FANCM: variants seen among roughly 807,000 people sequenced by gnomAD.
FANCM encodes the protein FA complementation group M, also known as Fanconi anemia group M protein.
FANCM carries 140 observed loss-of-function variants against 199.5 expected under a neutral mutation model. The observed-to-expected ratio is 0.70, with a 90% CI of 0.61 to 0.81. FANCM has a LOEUF of 0.81. FANCM is among the 30% of genes least tolerant of loss of function. FANCM has a pLI of 0.00. For synonymous variants in FANCM, 840 were observed against 836.8 expected (o/e 1.00, Z -0.07); for missense variants, 2,410 against 2,421.4 (o/e 1.00, Z 0.10).
intron 14 of FANCM, among the ~76,000 whole-genome samples, chr14:45,178,355 A>G (rs1888846834): frequency 6.6e-6 from 1 of 152,184 alleles, no homozygotes; most frequent in African/African-American, 2.4e-5. Flanking sequence ...TTAATGAGTG[A>G]GATAATTTTT....
At chr14:45,161,108 T>A (rs932132861) in intron 9 of FANCM, among the ~76,000 whole-genome samples, 9 of 152,334 alleles carry the variant, frequency 5.9e-5, no homozygotes, top group Admixed American at 5.9e-4. Context: ...CTCTGATCAA[T>A]TTCAGTATTA....
rs1360072407 is a variant in FANCM, at chr14:45,176,340, C to T, written c.3586C>T (p.Arg1196Cys). 7 of 1,613,660 alleles carry T rather than the reference C, an allele frequency of 4.3e-6. No individual in the cohort carries two copies. The highest frequency in any genetic ancestry group is 1.7e-4 in the Middle Eastern group (1 of 6,060). ...NNSELQDQIT[R>C]DANSFKSRDQ... is the part of the protein sequence containing the mutation. ...TTCTGAACTCCAAGATCAAATCACC[C>T]GTGATGCTAATAGTTTTAAATCTCG... Residue 1196 changes from arginine to cysteine, a missense_variant, in exon 14 of 23, where the codon CGT becomes TGT. Arg to Cys is a radical substitution (Grantham distance 180). Transcript: ENST00000267430.
chr14:45,160,586 C>G (rs1483190836), intron 9 of FANCM, among the ~76,000 whole-genome samples: 8 of 150,460 alleles, frequency 5.3e-5, no homozygotes, highest in African/African-American at 1.2e-4. Context: ...GCTCTGTTGC[C>G]GAGGCTGGAG....
Position 45,175,883 on chromosome 14 carries a change from G to T in FANCM, c.3129G>T (p.Val1043=), listed in dbSNP as rs1347259217. The part of the protein sequence containing the change: ...KCTCLLSHSA[V]NSQQNLELNS... ...CCTGTTTGCTGTCACATTCAGCTGT[G>T]AATTCTCAACAGAATTTAGAATTGA... The change falls in exon 14 of 23, where the codon GTG becomes GTT. Residue 1043 remains valine, a synonymous_variant. Coordinates refer to ENST00000267430, the MANE Select transcript of FANCM (RefSeq NM_020937.4). 6.2e-7 allele frequency: 1 copy of T among 1,613,662 alleles called. No homozygotes were observed. Among genetic ancestry groups the T allele is most frequent in the Non-Finnish European group, 8.5e-7 (1 of 1,179,744 alleles).
chr14:45,187,818 T>C lies in FANCM; in HGVS notation c.4710T>C (p.Arg1570=). The change falls in exon 19 of 23, where the codon CGT becomes CGC. Residue 1570 remains arginine, a synonymous_variant. Coordinates refer to ENST00000267430, the MANE Select transcript of FANCM (RefSeq NM_020937.4). The stretch of plus-strand genomic sequence containing the variant: ...GAGCTATTTACATGAAATCTTTGCG[T>C]AGTCCAATGATGAACAATAAGTACA... ...EMRAIYMKSL[R]SPMMNNKYKM... The C allele has an allele frequency of 1.3e-6, 2 of 1,584,064 alleles. No individual in the cohort carries two copies. The highest frequency in any genetic ancestry group is 1.7e-6 in the Non-Finnish European group (2 of 1,152,854).
chr14:45,165,822 C>T (rs138485398), intron 10 of FANCM, among the ~76,000 whole-genome samples: 4 of 152,202 alleles, frequency 2.6e-5, no homozygotes, highest in South Asian at 4.1e-4. Flanking sequence ...ACAGTGGCCC[C>T]GTTTACTCAG....
At chr14:45,150,434 GA>G (rs916974834) in intron 4 of FANCM, among the ~76,000 whole-genome samples, 6 of 151,406 alleles carry the variant, frequency 4.0e-5, no homozygotes, top group Non-Finnish European at 5.9e-5. Flanking sequence ...TGGAAGGGAG[GA>G]AAAAAAATGT....
At position 45,188,798 on chromosome 14, in the gene FANCM, G is replaced by A. The variant is rs1486453187; in HGVS notation, c.4780-4G>A. 4 of 1,600,508 alleles carry A rather than the reference G, an allele frequency of 2.5e-6. No individual in the cohort carries two copies. The highest frequency in any genetic ancestry group is 3.4e-6 in the Non-Finnish European group (4 of 1,169,324). On this transcript the variant is annotated splice_polypyrimidine_tract_variant and splice_region_variant and intron_variant, in intron 19 of 22. Transcript: ENST00000267430. ...TATAAAACATTCTTGTGTTTTTATT[G>A]TAGATTCCTGAACAAGATGAAACCT...
At chr14:45,141,655 C>G (rs556250461) in intron 3 of FANCM, among the ~76,000 whole-genome samples, 7 of 149,834 alleles carry the variant, frequency 4.7e-5, no homozygotes, top group African/African-American at 1.7e-4. Flanking sequence ...AATGGCATGA[C>G]CTTGGCTCAC....
At chr14:45,190,986 G>A (rs1451214231) in intron 20 of FANCM, among the ~76,000 whole-genome samples, 2 of 152,108 alleles carry the variant, frequency 1.3e-5, no homozygotes, top group Non-Finnish European at 2.9e-5. Context: ...TCCTACCTCA[G>A]CCTTCTTAGT....
chr14:45,156,938 A>G (rs35957566), intron 8 of FANCM, among the ~76,000 whole-genome samples: 4 of 150,404 alleles, frequency 2.7e-5, no homozygotes, highest in Admixed American at 2.0e-4. Context: ...AAAAAAAAAA[A>G]GGAAAAAAGG....
Position 45,153,963 on chromosome 14 carries a change from T to G in FANCM, c.1094T>G (p.Ile365Ser). Residue 365 changes from isoleucine to serine, a missense_variant, in exon 6 of 23, where the codon ATT becomes AGT. Coordinates refer to ENST00000267430, the MANE Select transcript of FANCM (RefSeq NM_020937.4). The part of the protein sequence containing the change: ...GIIEGEFAIC[I>S]SLYHGYELLQ... The stretch of plus-strand genomic sequence containing the variant: ...ATCGAGGGAGAGTTTGCTATTTGTA[T>G]TAGTTTATATCATGGTTATGAATTA... 2 of 1,602,360 alleles carry G rather than the reference T, an allele frequency of 1.2e-6. No homozygotes were observed. Among genetic ancestry groups the G allele is most frequent in the Non-Finnish European group, 1.7e-6 (2 of 1,169,340 alleles).
At chr14:45,150,795 G>A (rs760602528) in intron 4 of FANCM, among the ~76,000 whole-genome samples, 13 of 151,878 alleles carry the variant, frequency 8.6e-5, no homozygotes, top group Non-Finnish European at 1.3e-4. Flanking sequence ...TTCTTTGTTC[G>A]CTTCTTTATT....
At chr14:45,199,342 A>T (rs1462756360) in intron 22 of FANCM, among the ~76,000 whole-genome samples, 1 of 152,202 alleles carries the variant, frequency 6.6e-6, no homozygotes, top group Non-Finnish European at 1.5e-5. Flanking sequence ...TACATCAGAT[A>T]CTGTCTTAGC....
rs574720179 is a variant in FANCM, at chr14:45,155,895, G to A, written c.1396+436G>A. ...AGAAGGTGGGCTTTTAATTAACTCT[G>A]GATAATGAATACTAAAAAGCTGTGA... On this transcript the variant is annotated intron_variant, in intron 8 of 22. Transcript: ENST00000267430. Among the ~76,000 whole-genome samples the A allele has an allele frequency of 1.9e-3, 288 of 152,252 alleles. 4 individuals are homozygous for A. Among genetic ancestry groups the A allele is most frequent in the African/African-American group, 6.4e-3 (267 of 41,546 alleles).
chr14:45,191,003 G>A (rs570156348), intron 20 of FANCM, among the ~76,000 whole-genome samples: 19 of 152,228 alleles, frequency 1.2e-4, no homozygotes, highest in Admixed American at 2.6e-4. Context: ...TAGTAGCTGG[G>A]ACTATGGACA....
At chr14:45,181,997 A>G (rs997581135) in intron 16 of FANCM, among the ~76,000 whole-genome samples, 5 of 152,194 alleles carry the variant, frequency 3.3e-5, no homozygotes, top group African/African-American at 9.6e-5. Context: ...AATACCTCCT[A>G]TGTGTCTACT....
At chr14:45,160,793 G>A (rs940945633) in intron 9 of FANCM, among the ~76,000 whole-genome samples, 1 of 151,748 alleles carries the variant, frequency 6.6e-6, no homozygotes, top group Non-Finnish European at 1.5e-5. Flanking sequence ...CGCCCGCCTC[G>A]GCCTCCCAAA....
At chr14:45,143,343 C>A (rs1237400032) in intron 3 of FANCM, among the ~76,000 whole-genome samples, 2 of 151,762 alleles carry the variant, frequency 1.3e-5, no homozygotes, top group Non-Finnish European at 2.9e-5. Context: ...ATTTTTGTAT[C>A]TTTTGTAGAG....
Sources: gnomAD v4.1 joint callset for allele counts (sites outside exome capture counted in the v4.1 genomes callset) on GRCh38, gnomAD v4.1.1 for gene constraint, MANE v1.5 for transcripts, NCBI Gene and HGNC (gene_info 2026-07-23, HGNC 2026-07-21) for gene names.